MX1: variants seen among roughly 807,000 people sequenced by gnomAD.
MX1 encodes MX dynamin like GTPase 1.
MX1 carries 66 observed loss-of-function variants against 66.4 expected under a neutral mutation model. The ratio of observed to expected loss-of-function variants is 0.99; its 90% CI spans 0.82 to 1.22. The LOEUF (loss-of-function observed/expected upper bound fraction) is 1.22. Ranked by LOEUF, MX1 falls within the 50% of genes most tolerant of loss-of-function variation. The pLI, the probability that MX1 is intolerant of heterozygous loss-of-function variation, is 0.00. For synonymous variants in MX1, 311 were observed against 318.1 expected (o/e 0.98, Z 0.24); for missense variants, 787 against 834.3 (o/e 0.94, Z 0.70).
intron 10 of MX1, among the ~76,000 whole-genome samples, chr21:41,442,170 T>C (rs971743855): frequency 2.0e-5 from 3 of 151,148 alleles, no homozygotes; most frequent in African/African-American, 7.3e-5. Flanking sequence ...GAGAGAACAA[T>C]GTACAATAAT....
chr21:41,432,184 C>G lies in MX1; in HGVS notation c.105+9C>G, dbSNP rs139452684. The G allele has an allele frequency of 7.8e-4, 1,253 of 1,613,048 alleles. 10 individuals carry two copies. The African/African-American group carries it at 0.015, about 19-fold the overall frequency. On this transcript the variant is annotated intron_variant, in intron 5 of 16. Coordinates refer to ENST00000398598, the MANE Select transcript of MX1 (RefSeq NM_002462.5). ...AGAAAAATCCAGGCTCGGTAAGTTG[C>G]TCTCTGAAAGTCGCTATCCATGTGA...
chr21:41,441,458 G>C lies in MX1; in HGVS notation c.731-258G>C. The C allele has an allele frequency of 1.8e-6, 1 of 553,680 alleles. No individual in the cohort carries two copies. Among genetic ancestry groups the C allele is most frequent in the Non-Finnish European group, 3.3e-6 (1 of 307,276 alleles). 34.3% of individuals were successfully genotyped at this position (553,680 alleles called of 1,614,324 possible). A position where few individuals can be genotyped will look rare whatever the true frequency, so the allele number is the denominator to read the frequency against. On this transcript the variant is annotated intron_variant, in intron 9 of 16. Transcript: ENST00000398598. This position sits in a 1 kb window ranked among gnomAD's most constrained non-coding sequence, Gnocchi z 4.0. ...TCAAGGGATAAACAAAACGTGGCGT[G>C]TTCTACAGTGGACCCGGGTGAAGGA...
chr21:41,438,251 G>T (rs1319950173), intron 7 of MX1, among the ~76,000 whole-genome samples: 1 of 152,218 alleles, frequency 6.6e-6, no homozygotes, highest in Non-Finnish European at 1.5e-5. Flanking sequence ...TTTTGAATTA[G>T]TTGGGATTAG....
chr21:41,450,343 T>C (rs981158934), intron 14 of MX1, among the ~76,000 whole-genome samples: 3 of 152,170 alleles, frequency 2.0e-5, no homozygotes, highest in African/African-American at 7.2e-5. Context: ...ATCTCTATTC[T>C]TCATCCTCTC....
At chr21:41,451,594 G>A (rs2090828197) in intron 15 of MX1, among the ~76,000 whole-genome samples, 1 of 152,170 alleles carries the variant, frequency 6.6e-6, no homozygotes, top group Non-Finnish European at 1.5e-5. Context: ...AGCACTTTGG[G>A]AGGCTGAGGC....
At chr21:41,429,436 A>T (rs2090151472) in intron 3 of MX1, 1 of 152,164 alleles carries the variant, frequency 6.6e-6, no homozygotes, top group Non-Finnish European at 1.5e-5. Flanking sequence ...GGTCTCAATG[A>T]TGCTCCTTAT....
intron 11 of MX1, among the ~76,000 whole-genome samples, chr21:41,445,234 G>T (rs545372762): frequency 6.6e-6 from 1 of 152,268 alleles, no homozygotes; most frequent in East Asian, 1.9e-4. Context: ...GGCTGCTGTC[G>T]CAGGAGTGGG....
intron 1 of MX1, chr21:41,420,895 C>T (rs2089986193): frequency 6.6e-6 from 1 of 152,334 alleles, no homozygotes; most frequent in African/African-American, 2.4e-5. Context: ...CCCTCCACAC[C>T]TGTGGGTGTT....
intron 13 of MX1, among the ~76,000 whole-genome samples, chr21:41,448,618 A>G (rs1018923365): frequency 6.6e-6 from 1 of 152,158 alleles, no homozygotes; most frequent in African/African-American, 2.4e-5. Flanking sequence ...ATCCTGGCTA[A>G]CACGGTGAAA....
At chr21:41,444,318 C>CTTT (rs11317486) in intron 11 of MX1, among the ~76,000 whole-genome samples, 49 of 71,538 alleles carry the variant, frequency 6.8e-4, no homozygotes, top group East Asian at 4.9e-3. Flanking sequence ...TCTTTTCTTT[C>CTTT]TTTTTTTTTT....
chr21:41,453,908 A>AG (rs56775171), intron 16 of MX1, among the ~76,000 whole-genome samples: 152,331 of 152,338 alleles, frequency 1, 76,162 homozygotes, highest in Middle Eastern at 1. Flanking sequence ...GCCTGAGTTA[A>AG]GGCAGTGTTA....
At position 41,436,040 on chromosome 21, in the gene MX1, A is replaced by G. The variant is rs770026819; in HGVS notation, c.298+11A>G. 8 of 1,613,596 alleles carry G rather than the reference A, an allele frequency of 5.0e-6. No homozygotes were observed. The highest frequency in any genetic ancestry group is 2.2e-5 in the East Asian group (1 of 44,862). On this transcript the variant is annotated intron_variant, in intron 6 of 16. Coordinates refer to ENST00000398598, the MANE Select transcript of MX1 (RefSeq NM_002462.5). ...TTCCCAGAGGCAGCGGTAAGAACTT[A>G]CATTCTGTGTTAGTCTGCTCAGGCT...
At chr21:41,448,851 A>G (rs7509964) in intron 13 of MX1, among the ~76,000 whole-genome samples, 27,915 of 151,280 alleles carry the variant, frequency 0.18, 2,932 homozygotes, top group East Asian at 0.28. Context: ...GTTTCTGCGT[A>G]TGTGGGTTCC....
chr21:41,444,078 C>T (rs912633610), intron 11 of MX1, among the ~76,000 whole-genome samples: 4 of 152,102 alleles, frequency 2.6e-5, no homozygotes, highest in African/African-American at 4.8e-5. Context: ...CAGGGGACCA[C>T]AGTCAGGGGG....
At chr21:41,422,707 G>T (rs2090005819), upstream of MX1, 1 of 152,246 alleles carries the variant, frequency 6.6e-6, no homozygotes, top group African/African-American at 2.4e-5. Flanking sequence ...TGCAATTCAG[G>T]TGGGAGGTTG....
chr21:41,436,413 A>T (rs2090364700), intron 6 of MX1, among the ~76,000 whole-genome samples: 1 of 152,246 alleles, frequency 6.6e-6, no homozygotes, highest in Admixed American at 6.5e-5. Context: ...ACCATTTCAT[A>T]ACGCTATCTC....
At chr21:41,444,206 A>G (rs1270915591) in intron 11 of MX1, among the ~76,000 whole-genome samples, 1 of 152,120 alleles carries the variant, frequency 6.6e-6, no homozygotes, top group East Asian at 1.9e-4. Context: ...ATTCTAATGA[A>G]CATATTTTTT....
chr21:41,457,749 G>A (rs2090992506), intron 16 of MX1, among the ~76,000 whole-genome samples: 1 of 152,158 alleles, frequency 6.6e-6, no homozygotes, highest in Non-Finnish European at 1.5e-5. Context: ...ACATAGTTCA[G>A]TGGCATTAAG....
chr21:41,447,550 T>C (rs2090697182), intron 13 of MX1, among the ~76,000 whole-genome samples: 1 of 151,960 alleles, frequency 6.6e-6, no homozygotes. Flanking sequence ...ATGATTCCAT[T>C]GATAGAAAAT....
Sources: gnomAD v4.1 joint callset for allele counts (sites outside exome capture counted in the v4.1 genomes callset) on GRCh38, gnomAD v4.1.1 for gene constraint, Gnocchi (gnomAD v3.1) non-coding constraint, MANE v1.5 for transcripts, NCBI Gene and HGNC (gene_info 2026-07-23, HGNC 2026-07-21) for gene names.